The following ADAM20 variants were observed in gnomAD, a reference collection of about 807,000 sequenced individuals.
The protein encoded by ADAM20 is disintegrin and metalloproteinase domain-containing protein 20.
For missense variants in ADAM20, 871 were observed against 883.2 expected (o/e 0.99, Z 0.18); for synonymous variants, 305 against 310.2 (o/e 0.98, Z 0.18).
At chr14:70,545,591 G>A in the ADAM20 span, among the ~76,000 whole-genome samples, 1 of 152,056 alleles carries the variant, frequency 6.6e-6, no homozygotes, top group South Asian at 2.1e-4. Context: ...AGACAAAATA[G>A]ATTTCAAGAA....
At chr14:70,565,449 A>G in the ADAM20 span, among the ~76,000 whole-genome samples, 4 of 152,206 alleles carry the variant, frequency 2.6e-5, no homozygotes, top group Admixed American at 6.5e-5. Context: ...AAAAAGGTCT[A>G]GAACAAGACA....
chr14:70,565,291 T>C, the ADAM20 span, among the ~76,000 whole-genome samples: 14 of 151,458 alleles, frequency 9.2e-5, no homozygotes, highest in Non-Finnish European at 1.8e-4. Flanking sequence ...TGGTACTCCA[T>C]CAAACCAATA....
the ADAM20 span, among the ~76,000 whole-genome samples, chr14:70,558,064 A>T: frequency 1.3e-5 from 2 of 152,356 alleles, no homozygotes; most frequent in South Asian, 4.1e-4. Flanking sequence ...CTCTGTGGAT[A>T]TACCCTTTAA....
the ADAM20 span, among the ~76,000 whole-genome samples, chr14:70,571,014 A>G: frequency 6.6e-6 from 1 of 152,218 alleles, no homozygotes; most frequent in Non-Finnish European, 1.5e-5. Flanking sequence ...CTGTATGATC[A>G]TCTCAACAGA....
rs939862352 is a variant in ADAM20, at chr14:70,527,558, T to C, written c.-176-2625A>G. On this transcript the variant is annotated intron_variant, in intron 1 of 1. Coordinates refer to ENST00000256389, the MANE Select transcript of ADAM20 (RefSeq NM_003814.5). ...CCAGCAAACTGAACAATTATGCCCA[T>C]AGTTCTTTTAATGGCCACGCTCATC... 6.6e-5 allele frequency among the ~76,000 whole-genome samples: 10 copies of C among 152,166 alleles called. 1 individual carries two copies. Among genetic ancestry groups the C allele is most frequent in the African/African-American group, 2.4e-4 (10 of 41,444 alleles).
At chr14:70,568,067 C>G in the ADAM20 span, among the ~76,000 whole-genome samples, 12 of 152,188 alleles carry the variant, frequency 7.9e-5, no homozygotes, top group Non-Finnish European at 1.3e-4. Context: ...TCTCCATCTA[C>G]TGGACTACAG....
chr14:70,577,081 T>C, the ADAM20 span, among the ~76,000 whole-genome samples: 1 of 152,188 alleles, frequency 6.6e-6, no homozygotes, highest in African/African-American at 2.4e-5. Context: ...ACCGCACTGT[T>C]TGGTATGCAA....
At chr14:70,538,218 C>G (rs1883875820), upstream of ADAM20, among the ~76,000 whole-genome samples, 1 of 152,122 alleles carries the variant, frequency 6.6e-6, no homozygotes, top group South Asian at 2.1e-4. Context: ...CAAAAACCAT[C>G]TCTGCTATTC....
At chr14:70,539,833 C>T (rs1445515099), upstream of ADAM20, among the ~76,000 whole-genome samples, 3 of 152,196 alleles carry the variant, frequency 2.0e-5, no homozygotes, top group Non-Finnish European at 4.4e-5. Flanking sequence ...CTTCACTAAC[C>T]TACCCCTGCC....
At chr14:70,575,477 T>G in the ADAM20 span, among the ~76,000 whole-genome samples, 1 of 152,102 alleles carries the variant, frequency 6.6e-6, no homozygotes, top group Non-Finnish European at 1.5e-5. Context: ...ACGTTAACTA[T>G]TCTTTACAAC....
At chr14:70,542,122 C>T in the ADAM20 span, among the ~76,000 whole-genome samples, 1 of 150,354 alleles carries the variant, frequency 6.7e-6, no homozygotes, top group African/African-American at 2.5e-5. Context: ...GTCAAATAAA[C>T]TTTCCTTTTG....
At chr14:70,532,423 T>C (rs1883732907) in intron 1 of ADAM20, among the ~76,000 whole-genome samples, 1 of 152,108 alleles carries the variant, frequency 6.6e-6, no homozygotes, top group African/African-American at 2.4e-5. Flanking sequence ...CAATGATTTC[T>C]TGGGCATGAC....
intron 1 of ADAM20, among the ~76,000 whole-genome samples, chr14:70,534,016 G>A (rs1883772159): frequency 6.9e-6 from 1 of 144,102 alleles, no homozygotes; most frequent in Non-Finnish European, 1.5e-5. Flanking sequence ...CTGGGAGGCA[G>A]AGGTTGCAGT....
At chr14:70,574,212 A>AT in the ADAM20 span, among the ~76,000 whole-genome samples, 1 of 152,274 alleles carries the variant, frequency 6.6e-6, no homozygotes, top group Non-Finnish European at 1.5e-5. Context: ...AAACGTGGAA[A>AT]TTAATACTCC....
chr14:70,524,343 T>G lies in ADAM20; in HGVS notation c.415A>C (p.Asn139His). Residue 139 changes from asparagine (N) to histidine (H), a missense_variant, in exon 2 of 2, where the codon AAT becomes CAT. Physicochemically the swap from Asn to His is moderately conservative, Grantham distance 68. Transcript: ENST00000256389. ...GGCTTGATTTCATAAACAAGGTCAT[T>G]TATCTGTAGCATTCCAAGAAAGCCC... ...SGGFLGMLQINDLVYEIKPIS... is the reference protein window; with the variant it reads ...SGGFLGMLQIHDLVYEIKPIS... 1 of 1,613,976 alleles carries G rather than the reference T, an allele frequency of 6.2e-7. No individual in the cohort carries two copies. The highest frequency in any genetic ancestry group is 1.1e-5 in the South Asian group (1 of 91,080).
chr14:70,575,066 A>G, the ADAM20 span, among the ~76,000 whole-genome samples: 2,346 of 152,088 alleles, frequency 0.015, 57 homozygotes, highest in African/African-American at 0.048. Flanking sequence ...TTGTTTTTCA[A>G]TTGGTATAAA....
the ADAM20 span, among the ~76,000 whole-genome samples, chr14:70,571,469 G>T: frequency 5.9e-5 from 9 of 152,304 alleles, no homozygotes; most frequent in Admixed American, 4.6e-4. Context: ...TGCCATGATT[G>T]TAAGTTTCCT....
the ADAM20 span, among the ~76,000 whole-genome samples, chr14:70,574,619 G>T: frequency 6.6e-6 from 1 of 151,532 alleles, no homozygotes; most frequent in African/African-American, 2.4e-5. Flanking sequence ...CAGCCTGGGG[G>T]ACAGAGCGAG....
At chr14:70,574,509 G>A in the ADAM20 span, among the ~76,000 whole-genome samples, 3 of 151,962 alleles carry the variant, frequency 2.0e-5, no homozygotes, top group African/African-American at 4.8e-5. Context: ...GCATGGTGGC[G>A]GGTGCGTGTA....
Sources: allele counts gnomAD v4.1 joint callset (sites outside exome capture counted in the v4.1 genomes callset), GRCh38; gene constraint gnomAD v4.1.1; transcripts MANE v1.5; gene names NCBI Gene and HGNC (gene_info 2026-07-23, HGNC 2026-07-21).